Variants in HS3ST5 observed in about 807,000 individuals in gnomAD.
HS3ST5 encodes the protein heparan sulfate glucosamine 3-O-sulfotransferase 5.
HS3ST5 carries 10 observed loss-of-function variants against 25.4 expected under a neutral mutation model. That is an observed-to-expected ratio of 0.39 (90% CI 0.24 to 0.67). The LOEUF (loss-of-function observed/expected upper bound fraction) is 0.67. Ranked by LOEUF, HS3ST5 falls within the 30% of genes least tolerant of loss-of-function variation. HS3ST5 has a pLI of 0.44. For missense variants in HS3ST5, 324 were observed against 420.7 expected (o/e 0.77, Z 2.01); for synonymous variants, 170 against 162.4 (o/e 1.05, Z -0.36).
intron 1 of HS3ST5, among the ~76,000 whole-genome samples, chr6:114,274,227 A>T (rs1773754426): frequency 6.6e-6 from 1 of 152,040 alleles, no homozygotes; most frequent in Admixed American, 6.6e-5. Context: ...TGATGCTTCT[A>T]TTTTTAATGA....
At chr6:114,075,009 T>G (rs988921546) in intron 3 of HS3ST5, among the ~76,000 whole-genome samples, 11 of 152,294 alleles carry the variant, frequency 7.2e-5, no homozygotes, top group Admixed American at 4.6e-4. Context: ...CCACCAAATT[T>G]CAACACTAAG....
intron 1 of HS3ST5, among the ~76,000 whole-genome samples, chr6:114,253,579 G>C (rs1218492311): frequency 2.0e-5 from 3 of 152,208 alleles, no homozygotes; most frequent in Non-Finnish European, 4.4e-5. Context: ...AATGACAGGA[G>C]AGCAGAGGAG....
intron 3 of HS3ST5, among the ~76,000 whole-genome samples, chr6:114,125,974 C>T (rs972236550): frequency 6.6e-6 from 1 of 152,128 alleles, no homozygotes; most frequent in Non-Finnish European, 1.5e-5. Flanking sequence ...AGAAAAATAC[C>T]TATAGGAGGC....
At chr6:114,333,575 T>C (rs1179645523) in intron 1 of HS3ST5, among the ~76,000 whole-genome samples, 2 of 152,074 alleles carry the variant, frequency 1.3e-5, no homozygotes, top group African/African-American at 4.8e-5. Context: ...GAAGATAAGA[T>C]AAACAACCGA....
intron 1 of HS3ST5, among the ~76,000 whole-genome samples, chr6:114,289,234 G>A (rs1774467048): frequency 6.6e-6 from 1 of 151,758 alleles, no homozygotes; most frequent in Admixed American, 6.6e-5. Flanking sequence ...AGACAATTCA[G>A]TCACAGCTAA....
At chr6:114,266,752 T>C (rs930263676) in intron 1 of HS3ST5, among the ~76,000 whole-genome samples, 6 of 152,194 alleles carry the variant, frequency 3.9e-5, no homozygotes, top group African/African-American at 1.4e-4. Flanking sequence ...CTAACTTTTA[T>C]TGATCAAGAG....
At chr6:114,267,123 G>T (rs1221361485) in intron 1 of HS3ST5, among the ~76,000 whole-genome samples, 1 of 152,068 alleles carries the variant, frequency 6.6e-6, no homozygotes. Flanking sequence ...CTATCAGGAG[G>T]TATGGGAAAA....
At chr6:114,124,928 G>A (rs1459498620) in intron 3 of HS3ST5, among the ~76,000 whole-genome samples, 1 of 152,176 alleles carries the variant, frequency 6.6e-6, no homozygotes, top group East Asian at 1.9e-4. Context: ...TCCATGGGGT[G>A]AGTCTAGTTG....
intron 2 of HS3ST5, among the ~76,000 whole-genome samples, chr6:114,192,876 T>C (rs1421175060): frequency 1.3e-5 from 2 of 152,220 alleles, no homozygotes; most frequent in African/African-American, 2.4e-5. Context: ...CGAGCTTCTA[T>C]GCAACAGAAA....
At chr6:114,084,828 C>CTTT in intron 3 of HS3ST5, 2 of 593,042 alleles carry the variant, frequency 3.4e-6, no homozygotes, top group South Asian at 3.9e-5. Flanking sequence ...TTTTTCTTTT[C>CTTT]TTTTCTTTTT....
chr6:114,241,680 G>T (rs1046761318), intron 1 of HS3ST5, among the ~76,000 whole-genome samples: 2 of 152,140 alleles, frequency 1.3e-5, no homozygotes, highest in Non-Finnish European at 2.9e-5. Flanking sequence ...TTTTATAAGA[G>T]ATTTTGAAAA....
intron 1 of HS3ST5, among the ~76,000 whole-genome samples, chr6:114,308,571 A>G (rs1775397256): frequency 6.6e-6 from 1 of 152,180 alleles, no homozygotes; most frequent in Non-Finnish European, 1.5e-5. Flanking sequence ...TGGGTGACAG[A>G]GCAAGACTCT....
intron 1 of HS3ST5, among the ~76,000 whole-genome samples, chr6:114,269,758 G>C (rs1445723724): frequency 6.6e-6 from 1 of 152,138 alleles, no homozygotes; most frequent in Admixed American, 6.6e-5. Flanking sequence ...GGCTATTGTA[G>C]GTTCATTAAT....
At chr6:114,324,059 G>A (rs1776076987) in intron 1 of HS3ST5, among the ~76,000 whole-genome samples, 1 of 152,126 alleles carries the variant, frequency 6.6e-6, no homozygotes, top group Non-Finnish European at 1.5e-5. Flanking sequence ...AGATTCAAGA[G>A]GAGGAAGGTG....
At chr6:114,304,337 C>T (rs1775203963) in intron 1 of HS3ST5, among the ~76,000 whole-genome samples, 1 of 152,024 alleles carries the variant, frequency 6.6e-6, no homozygotes, top group African/African-American at 2.4e-5. Flanking sequence ...GGAAAAAAAT[C>T]CTTCCATTTT....
At chr6:114,245,188 GC>G (rs1772322101) in intron 1 of HS3ST5, among the ~76,000 whole-genome samples, 1 of 152,162 alleles carries the variant, frequency 6.6e-6, no homozygotes, top group Non-Finnish European at 1.5e-5. Flanking sequence ...TATGTAGGCA[GC>G]ATCTTGCCTA....
At chr6:114,122,651 C>G (rs777684184) in intron 3 of HS3ST5, among the ~76,000 whole-genome samples, 1 of 152,120 alleles carries the variant, frequency 6.6e-6, no homozygotes, top group Non-Finnish European at 1.5e-5. Context: ...TGAAACCTAC[C>G]CTTCTGTTAA....
Position 114,172,908 on chromosome 6 carries a change from G to A in HS3ST5, c.-144-4446C>T, listed in dbSNP as rs1038199084. 2.0e-5 allele frequency among the ~76,000 whole-genome samples: 3 copies of A among 152,150 alleles called. No individual in the cohort carries two copies. In the East Asian group the frequency reaches 5.8e-4, roughly 29 times the overall value. ...TACTTTTATTTTACTTCAAGCCAGG[G>A]TTATCATGAAATAAAACTGATAATT... is the stretch of plus-strand genomic sequence containing the variant. On this transcript the variant is annotated intron_variant, in intron 2 of 4. Coordinates refer to ENST00000312719, the MANE Select transcript of HS3ST5 (RefSeq NM_153612.4).
intron 2 of HS3ST5, 116 bp from the exon 3 acceptor site, chr6:114,168,578 G>GGA (rs1270182898): frequency 6.6e-6 from 1 of 152,114 alleles, no homozygotes; most frequent in Non-Finnish European, 1.5e-5. Flanking sequence ...AGTATATTGT[G>GGA]GATGATAAGA....
Sources: gnomAD v4.1 joint callset for allele counts (sites outside exome capture counted in the v4.1 genomes callset) on GRCh38, gnomAD v4.1.1 for gene constraint, MANE v1.5 for transcripts, NCBI Gene and HGNC (gene_info 2026-07-23, HGNC 2026-07-21) for gene names.